The following METTL15 variants were observed in gnomAD, a reference collection of about 807,000 sequenced individuals.
METTL15 encodes methyltransferase 15, mitochondrial 12S rRNA N4-cytidine, also known as 12S rRNA N(4)-cytidine methyltransferase METTL15.
Under a neutral mutation model 38.3 loss-of-function variants are expected in METTL15, and 34 were observed. The ratio of observed to expected loss-of-function variants is 0.89; its 90% CI spans 0.68 to 1.18. The LOEUF is 1.18. METTL15 is among the 50% of genes most tolerant of loss of function. METTL15 has a pLI of 0.00. For missense variants in METTL15, 438 were observed against 498.4 expected, an observed-to-expected ratio of 0.88 and a Z score of 1.15; for synonymous variants, 162 against 170.9, an observed-to-expected ratio of 0.95 and a Z score of 0.41.
At chr11:28,352,413 A>G (rs972955580) in intron 4 of METTL15, among the ~76,000 whole-genome samples, 2 of 152,156 alleles carry the variant, frequency 1.3e-5, no homozygotes, top group East Asian at 3.8e-4. Context: ...AGGGGAGACA[A>G]TCAGTAAATA....
chr11:28,523,267 G>A (rs1447588916), intron 6 of METTL15, among the ~76,000 whole-genome samples: 1 of 151,964 alleles, frequency 6.6e-6, no homozygotes, highest in Non-Finnish European at 1.5e-5. Context: ...ATTTTCAGTT[G>A]GATACAACAA....
intron 6 of METTL15, among the ~76,000 whole-genome samples, chr11:28,456,747 C>G (rs1393560329): frequency 6.6e-6 from 1 of 152,074 alleles, no homozygotes; most frequent in East Asian, 1.9e-4. Context: ...GCCACAGCCC[C>G]CATGTTTTAA....
chr11:28,234,337 C>A (rs9667166), intron 4 of METTL15, among the ~76,000 whole-genome samples: 1 of 149,984 alleles, frequency 6.7e-6, no homozygotes, highest in African/African-American at 2.5e-5. Flanking sequence ...GGATGGCTGG[C>A]TCAAATGGTA....
intron 5 of METTL15, among the ~76,000 whole-genome samples, chr11:28,392,824 A>G (rs1165217139): frequency 2.0e-5 from 3 of 152,056 alleles, no homozygotes; most frequent in Non-Finnish European, 4.4e-5. Flanking sequence ...ACAAATAACC[A>G]ATTAAAAACT....
chr11:28,292,031 T>C (rs1310223501), intron 5 of METTL15, among the ~76,000 whole-genome samples: 2 of 152,038 alleles, frequency 1.3e-5, no homozygotes, highest in African/African-American at 4.8e-5. Context: ...AGATTTTTTT[T>C]TAGGAGAATA....
At chr11:28,115,842 G>A (rs1477333882) in intron 3 of METTL15, among the ~76,000 whole-genome samples, 7 of 150,344 alleles carry the variant, frequency 4.7e-5, no homozygotes, top group South Asian at 4.2e-4. Context: ...AGGATAAATC[G>A]TGTGTGTGTG....
chr11:28,450,556 A>G (rs1426329676), intron 6 of METTL15, among the ~76,000 whole-genome samples: 1 of 152,252 alleles, frequency 6.6e-6, no homozygotes, highest in African/African-American at 2.4e-5. Flanking sequence ...CGGTAGCAGA[A>G]GAGCTGAGTT....
intron 5 of METTL15, among the ~76,000 whole-genome samples, chr11:28,388,693 T>G (rs1052137602): frequency 6.6e-6 from 1 of 152,138 alleles, no homozygotes; most frequent in Non-Finnish European, 1.5e-5. Flanking sequence ...TCTTTTTTTT[T>G]ATTATACTTT....
At chr11:28,492,921 T>C (rs144810992) in intron 6 of METTL15, among the ~76,000 whole-genome samples, 2 of 152,202 alleles carry the variant, frequency 1.3e-5, no homozygotes, top group East Asian at 1.9e-4. Flanking sequence ...GCATACATAG[T>C]TGGTGTAGGG....
At chr11:28,341,817 T>A (rs1002873025) in intron 3 of METTL15, among the ~76,000 whole-genome samples, 1 of 152,214 alleles carries the variant, frequency 6.6e-6, no homozygotes, top group Non-Finnish European at 1.5e-5. Flanking sequence ...GACTCTTCTC[T>A]GTGTGGCCAT....
At chr11:28,462,858 T>C (rs376297727) in intron 6 of METTL15, among the ~76,000 whole-genome samples, 230 of 152,234 alleles carry the variant, frequency 1.5e-3, no homozygotes, top group African/African-American at 5.5e-3. Flanking sequence ...ATAACAAATG[T>C]CCATTACAAG....
intron 4 of METTL15, among the ~76,000 whole-genome samples, chr11:28,214,481 GT>G (rs1852780410): frequency 6.6e-6 from 1 of 152,044 alleles, no homozygotes; most frequent in Non-Finnish European, 1.5e-5. Context: ...GCCTAATGAA[GT>G]TTATTTCATG....
chr11:28,447,001 T>A (rs890407750), intron 6 of METTL15, among the ~76,000 whole-genome samples: 1 of 152,078 alleles, frequency 6.6e-6, no homozygotes, highest in African/African-American at 2.4e-5. Flanking sequence ...GTTTTCTGAG[T>A]TTAAAAATAA....
chr11:28,221,670 C>T (rs1319324403), intron 4 of METTL15, among the ~76,000 whole-genome samples: 1 of 152,128 alleles, frequency 6.6e-6, no homozygotes, highest in African/African-American at 2.4e-5. Flanking sequence ...TGTTTTTTCC[C>T]CATCTTTATG....
intron 5 of METTL15, among the ~76,000 whole-genome samples, chr11:28,411,283 G>A (rs904772827): frequency 6.6e-6 from 1 of 151,762 alleles, no homozygotes; most frequent in Non-Finnish European, 1.5e-5. Flanking sequence ...ATCGCCAATA[G>A]CCAAATAAAT....
chr11:28,385,807 G>C (rs1050982403), intron 5 of METTL15, among the ~76,000 whole-genome samples: 1 of 152,022 alleles, frequency 6.6e-6, no homozygotes, highest in Non-Finnish European at 1.5e-5. Flanking sequence ...AATTTTCTGT[G>C]TGTGTGTGTG....
intron 4 of METTL15, among the ~76,000 whole-genome samples, chr11:28,224,694 C>T (rs1853399160): frequency 6.6e-6 from 1 of 151,586 alleles, no homozygotes. Context: ...TTTATTAGAA[C>T]CCTAATTCTT....
intron 4 of METTL15, among the ~76,000 whole-genome samples, chr11:28,280,163 T>G (rs1182624276): frequency 1.3e-5 from 2 of 152,124 alleles, no homozygotes; most frequent in Non-Finnish European, 2.9e-5. Flanking sequence ...TTTTTTCCCA[T>G]TTTTCCCATT....
intron 3 of METTL15, among the ~76,000 whole-genome samples, chr11:28,182,403 T>G (rs780071054): frequency 1.3e-5 from 2 of 152,196 alleles, no homozygotes; most frequent in Non-Finnish European, 2.9e-5. Flanking sequence ...TATGTTTAAA[T>G]CTTTAATCCA....
Sources: gnomAD v4.1 joint callset for allele counts (sites outside exome capture counted in the v4.1 genomes callset) on GRCh38, gnomAD v4.1.1 for gene constraint, MANE v1.5 for transcripts, NCBI Gene and HGNC (gene_info 2026-07-23, HGNC 2026-07-21) for gene names.